Variants in SYN3 observed in about 807,000 individuals in gnomAD.
The protein encoded by SYN3 is synapsin III, also known as synapsin-3.
A neutral mutation model predicts 65.8 loss-of-function variants in SYN3; 35 were observed. The ratio of observed to expected loss-of-function variants is 0.53; its 90% CI spans 0.41 to 0.70. The LOEUF is 0.70. SYN3 is among the 30% of genes least tolerant of loss of function. The pLI is 0.00. For synonymous variants in SYN3, 270 were observed against 292.9 expected (o/e 0.92, Z 0.80); for missense variants, 680 against 749.0 (o/e 0.91, Z 1.08).
chr22:32,608,917 A>C (rs1442028716), intron 6 of SYN3, among the ~76,000 whole-genome samples: 2 of 152,060 alleles, frequency 1.3e-5, no homozygotes, highest in African/African-American at 4.8e-5. Context: ...CCCTCCTTCA[A>C]ATTAGTACTT....
chr22:32,841,530 G>A (rs2047901849), intron 6 of SYN3, among the ~76,000 whole-genome samples: 1 of 152,162 alleles, frequency 6.6e-6, no homozygotes, highest in South Asian at 2.1e-4. Context: ...CCCGGGTGCA[G>A]GGAAGGCCTG....
chr22:32,757,577 G>T (rs1272485236), intron 6 of SYN3, among the ~76,000 whole-genome samples: 1 of 151,810 alleles, frequency 6.6e-6, no homozygotes, highest in Non-Finnish European at 1.5e-5. Context: ...GATTACAGGC[G>T]TGAACCACCG....
intron 4 of SYN3, among the ~76,000 whole-genome samples, chr22:32,904,361 A>G (rs887763671): frequency 6.6e-6 from 1 of 152,168 alleles, no homozygotes; most frequent in East Asian, 1.9e-4. Flanking sequence ...GCAGATGCAG[A>G]GAGTCTGCAG....
chr22:33,017,781 CTT>C (rs2053495310), intron 1 of SYN3, among the ~76,000 whole-genome samples: 2 of 140,340 alleles, frequency 1.4e-5, no homozygotes, highest in Non-Finnish European at 3.1e-5. Flanking sequence ...TTTGTAGAAT[CTT>C]TAGGATTTTC....
At chr22:32,633,261 G>A (rs2059770329) in intron 6 of SYN3, among the ~76,000 whole-genome samples, 1 of 152,156 alleles carries the variant, frequency 6.6e-6, no homozygotes, top group South Asian at 2.1e-4. Flanking sequence ...ACCTCCATCA[G>A]ACTGCTTTGA....
intron 7 of SYN3, among the ~76,000 whole-genome samples, chr22:32,555,893 C>G (rs2058488305): frequency 6.6e-6 from 1 of 152,162 alleles, no homozygotes; most frequent in African/African-American, 2.4e-5. Context: ...CCAGGAAATT[C>G]TTAACCAGCC....
At chr22:32,531,038 C>CT (rs1377068132) in intron 10 of SYN3, among the ~76,000 whole-genome samples, 2 of 151,066 alleles carry the variant, frequency 1.3e-5, no homozygotes, top group Non-Finnish European at 2.9e-5. Flanking sequence ...TTGAGAATAG[C>CT]CCAGCTCCCT....
At chr22:32,984,161 CAAA>C (rs35678412) in intron 2 of SYN3, among the ~76,000 whole-genome samples, 42 of 92,986 alleles carry the variant, frequency 4.5e-4, no homozygotes, top group Non-Finnish European at 6.5e-4. Context: ...AAACTCCATC[CAAA>C]AAAAAAAAAA....
chr22:32,860,493 G>A (rs987693825), intron 6 of SYN3: 3 of 152,462 alleles, frequency 2.0e-5, no homozygotes, highest in South Asian at 2.1e-4. Context: ...TTTTGTTGTC[G>A]TTGCTTGTTT....
intron 6 of SYN3, among the ~76,000 whole-genome samples, chr22:32,788,145 C>T (rs966161181): frequency 1.3e-5 from 2 of 152,154 alleles, no homozygotes; most frequent in South Asian, 4.1e-4. Context: ...ATCCAGTCAG[C>T]CCTCTGTATC....
intron 6 of SYN3, among the ~76,000 whole-genome samples, chr22:32,686,590 ATTT>A (rs149862418): frequency 6.9e-5 from 5 of 72,334 alleles, no homozygotes; most frequent in African/African-American, 2.0e-4. Flanking sequence ...CTGCTCCTCC[ATTT>A]TTTTTTTTTT....
At chr22:32,868,731 A>T (rs2048757520) in intron 5 of SYN3, among the ~76,000 whole-genome samples, 1 of 152,132 alleles carries the variant, frequency 6.6e-6, no homozygotes, top group Non-Finnish European at 1.5e-5. Context: ...GATTACAGGC[A>T]TAAGCCACCG....
At position 32,859,563 on chromosome 22, in the gene SYN3, C is replaced by T. The variant is rs553615099; in HGVS notation, c.711+5352G>A. The T allele has an allele frequency of 4.1e-6, 3 of 732,196 alleles. No homozygotes were observed. The South Asian group carries it at 6.2e-5, about 15-fold the overall frequency. 45.4% of individuals were successfully genotyped at this position (732,196 alleles called of 1,614,324 possible). A position where few individuals can be genotyped will look rare whatever the true frequency, so the allele number is the denominator to read the frequency against. The stretch of plus-strand genomic sequence containing the variant: ...TGGGAACTATCCTCCTGGCCCCACC[C>T]TGCCCCTTCTTTTTGGTTTTGACAT... On this transcript the variant is annotated intron_variant, in intron 6 of 13. Coordinates refer to ENST00000358763, the MANE Select transcript of SYN3 (RefSeq NM_003490.4).
chr22:32,850,752 G>A, intron 6 of SYN3, among the ~76,000 whole-genome samples: 1 of 152,252 alleles, frequency 6.6e-6, no homozygotes, highest in East Asian at 1.9e-4. Flanking sequence ...ATGCAAAAGT[G>A]ACTTGGTGAA....
At chr22:32,847,251 T>TC (rs2048092127) in intron 6 of SYN3, among the ~76,000 whole-genome samples, 1 of 152,062 alleles carries the variant, frequency 6.6e-6, no homozygotes, top group African/African-American at 2.4e-5. Flanking sequence ...GAGGAAACAG[T>TC]CCCCGGGGCC....
At chr22:32,985,580 C>T (rs376725999) in intron 2 of SYN3, among the ~76,000 whole-genome samples, 9 of 152,288 alleles carry the variant, frequency 5.9e-5, no homozygotes, top group East Asian at 3.9e-4. Flanking sequence ...CAAAGTCACA[C>T]GAGTGATCTG....
rs112285239 is a variant in SYN3, at chr22:33,046,433, A to C, written c.-163+11859T>G. The stretch of plus-strand genomic sequence containing the variant: ...GTCACAATCCTTAAAAACTAGAAAC[A>C]ACCTGGCTGTGTGCAGTGGCTCACA... On this transcript the variant is annotated intron_variant, in intron 1 of 13. Transcript: ENST00000358763. Among the ~76,000 whole-genome samples, 92 of 152,334 alleles carry C rather than the reference A, an allele frequency of 6.0e-4. 1 individual carries two copies. In the Middle Eastern group the frequency reaches 0.014, roughly 23 times the overall value.
chr22:32,649,429 T>G (rs2060030090), intron 6 of SYN3, among the ~76,000 whole-genome samples: 3 of 151,526 alleles, frequency 2.0e-5, no homozygotes, highest in Admixed American at 2.0e-4. Flanking sequence ...CATTTTCGTA[T>G]AGTCTATTTA....
At chr22:32,995,937 C>T (rs943637904) in intron 2 of SYN3, among the ~76,000 whole-genome samples, 1 of 152,122 alleles carries the variant, frequency 6.6e-6, no homozygotes, top group African/African-American at 2.4e-5. Flanking sequence ...AGGTGTGAGC[C>T]ACCGCATCCG....
Sources: allele counts gnomAD v4.1 joint callset (sites outside exome capture counted in the v4.1 genomes callset), GRCh38; gene constraint gnomAD v4.1.1; transcripts MANE v1.5; gene names NCBI Gene and HGNC (gene_info 2026-07-23, HGNC 2026-07-21).